HEATR4: variants seen among roughly 807,000 people sequenced by gnomAD.
HEATR4 encodes the protein HEAT repeat containing 4, also known as HEAT repeat-containing protein 4.
HEATR4 carries 95 observed loss-of-function variants against 108.8 expected under a neutral mutation model. The observed-to-expected ratio is 0.87, with a 90% CI of 0.74 to 1.04. The LOEUF (loss-of-function observed/expected upper bound fraction) is 1.04. Ranked by LOEUF, HEATR4 falls within the 50% of genes least tolerant of loss-of-function variation. HEATR4 has a pLI of 0.00. For synonymous variants in HEATR4, 443 were observed against 459.4 expected, an observed-to-expected ratio of 0.96 and a Z score of 0.46; for missense variants, 1,152 against 1,253.8, an observed-to-expected ratio of 0.92 and a Z score of 1.23.
At chr14:73,601,294 T>C in the HEATR4 span, among the ~76,000 whole-genome samples, 1 of 152,180 alleles carries the variant, frequency 6.6e-6, no homozygotes, top group Admixed American at 6.5e-5. Context: ...GTCAGTGTGG[T>C]GGCTCATGCC....
In HEATR4 at chr14:73,554,423, G is replaced by A. The variant is rs1300404324; in HGVS notation, c.-152+4328C>T. On this transcript the variant is annotated intron_variant, in intron 1 of 17. Transcript: ENST00000553558. Reference sequence around the variant, plus strand: ...GTATGCCATATTATACCCAAAGTTCGTTTAAAAAATATTTCCATCAACTAT... The same window carrying A: ...GTATGCCATATTATACCCAAAGTTCATTTAAAAAATATTTCCATCAACTAT... Among the ~76,000 whole-genome samples the A allele has an allele frequency of 1.7e-5, 2 of 115,520 alleles. 1 individual carries two copies. The highest frequency in any genetic ancestry group is 5.6e-5 in the African/African-American group (2 of 35,808). 75.8% of individuals were successfully genotyped at this position (115,520 alleles called of 152,430 possible).
chr14:73,479,468 C>A (rs1388069281), intron 17 of HEATR4, among the ~76,000 whole-genome samples: 2 of 116,412 alleles, frequency 1.7e-5, no homozygotes, highest in African/African-American at 7.0e-5. Context: ...GACGGAGTTT[C>A]GCTCTTGTTG....
intron 5 of HEATR4, among the ~76,000 whole-genome samples, chr14:73,514,752 C>T (rs1340716077): frequency 2.0e-5 from 3 of 152,136 alleles, no homozygotes; most frequent in Non-Finnish European, 2.9e-5. Context: ...CAGAAGAAGC[C>T]GTAAATATTA....
intron 14 of HEATR4, 131 bp from the exon 15 acceptor site, chr14:73,496,810 C>CTTA (rs1295831876): frequency 1.6e-6 from 1 of 617,402 alleles, no homozygotes; most frequent in Non-Finnish European, 2.9e-6. Flanking sequence ...TTTGCTGAGC[C>CTTA]TTATATGCAA....
chr14:73,531,945 T>C lies in HEATR4; in HGVS notation c.-151-1701A>G, dbSNP rs1349240862. Among the ~76,000 whole-genome samples, 2 of 114,068 alleles carry C rather than the reference T, an allele frequency of 1.8e-5. 1 individual carries two copies. The highest frequency in any genetic ancestry group is 3.8e-5 in the Non-Finnish European group (2 of 52,460). The allele number at this position is 114,068 out of a possible 152,430, so 74.8% of individuals were successfully genotyped here. On this transcript the variant is annotated intron_variant, in intron 1 of 17. Transcript: ENST00000553558. ...TACTTGGGAGGCTGAGGCAGGAGAA[T>C]CGCCTGGACCCAGGAAGCAGAGGTT...
intron 17 of HEATR4, among the ~76,000 whole-genome samples, chr14:73,480,429 G>A (rs921152706): frequency 6.6e-6 from 1 of 152,044 alleles, no homozygotes; most frequent in Admixed American, 6.6e-5. Flanking sequence ...GACAGAGAGA[G>A]ACTTTGTCTC....
In HEATR4 at chr14:73,523,045, G is replaced by A. The variant is rs756817359; in HGVS notation, c.108C>T (p.Gly36=). 2 of 1,614,110 alleles carry A rather than the reference G, an allele frequency of 1.2e-6. No individual in the cohort carries two copies. The highest frequency in any genetic ancestry group is 2.7e-5 in the African/African-American group (2 of 75,046). ...GMILNYSKLK[G]KEECASVSSV... ...TGGAGACAGAGGCACACTCCTCCTT[G>A]CCTTTCAATTTTGAGTAGTTTAAAA... is the stretch of plus-strand genomic sequence containing the variant. Residue 36 remains glycine, a synonymous_variant, in exon 3 of 18, where the codon GGC becomes GGT. Coordinates refer to ENST00000553558, the MANE Select transcript of HEATR4 (RefSeq NM_001220484.1).
chr14:73,603,771 G>C, the HEATR4 span, among the ~76,000 whole-genome samples: 1 of 148,742 alleles, frequency 6.7e-6, no homozygotes, highest in African/African-American at 2.5e-5. Flanking sequence ...GTCTTGCTCT[G>C]TTGCCAGGTT....
chr14:73,582,962 T>A, the HEATR4 span: 3 of 152,136 alleles, frequency 2.0e-5, no homozygotes, highest in South Asian at 4.2e-4. Flanking sequence ...TTAAACCAGA[T>A]GACAAAAACC....
At chr14:73,588,758 T>C in the HEATR4 span, among the ~76,000 whole-genome samples, 1 of 152,126 alleles carries the variant, frequency 6.6e-6, no homozygotes, top group African/African-American at 2.4e-5. Flanking sequence ...GACCCACTCT[T>C]GATTTTCCAT....
intron 1 of HEATR4, chr14:73,539,650 C>T (rs1418316317): frequency 8.5e-6 from 1 of 117,194 alleles, no homozygotes; most frequent in Admixed American, 9.5e-5. Context: ...GCTTCCAGAC[C>T]AGGAAGCTGC....
intron 16 of HEATR4, 197 bp from the exon 17 acceptor site, chr14:73,493,321 G>T: frequency 1.8e-6 from 1 of 561,122 alleles, no homozygotes; most frequent in Non-Finnish European, 3.2e-6. Context: ...TGGGCGGGTC[G>T]GGGTCAGTAT....
Position 73,541,343 on chromosome 14 carries a change from C to T in HEATR4, c.-151-11099G>A, listed in dbSNP as rs573209423. On this transcript the variant is annotated intron_variant, in intron 1 of 17. Transcript: ENST00000553558. ...TAAACACTTGCCAGAAGTTTCTGGACGAACACAGGTTTTCATTTCTCGTGG... is the reference window on the plus strand; with the variant it reads ...TAAACACTTGCCAGAAGTTTCTGGATGAACACAGGTTTTCATTTCTCGTGG... 3.0e-5 allele frequency: 21 copies of T among 704,718 alleles called. 6 individuals carry two copies. Among genetic ancestry groups the T allele is most frequent in the Middle Eastern group, 8.5e-4 (2 of 2,358 alleles). The allele number at this position is 704,718 out of a possible 1,614,324, so 43.7% of individuals were successfully genotyped here.
In HEATR4 at chr14:73,546,717, A is replaced by T. The variant is rs1294122205; in HGVS notation, c.-152+12034T>A. On this transcript the variant is annotated intron_variant, in intron 1 of 17. Coordinates refer to ENST00000553558, the MANE Select transcript of HEATR4 (RefSeq NM_001220484.1). ...ACATTTTTCTTTTCACTTTCAACCC[A>T]TGCACACTGTGAACACTGTGAAATA... 1.8e-5 allele frequency among the ~76,000 whole-genome samples: 2 copies of T among 113,192 alleles called. 1 individual carries two copies. The highest frequency in any genetic ancestry group is 3.9e-5 in the Non-Finnish European group (2 of 51,736). 74.3% of individuals were successfully genotyped at this position (113,192 alleles called of 152,430 possible). A position where few individuals can be genotyped will look rare whatever the true frequency, so the allele number is the denominator to read the frequency against.
intron 1 of HEATR4, among the ~76,000 whole-genome samples, chr14:73,545,966 T>C (rs1383816801): frequency 1.8e-5 from 2 of 113,646 alleles, no homozygotes; most frequent in African/African-American, 5.7e-5. Flanking sequence ...CTGGGTAACA[T>C]AGTGGGACAC....
At chr14:73,488,008 T>C (rs1296932924) in intron 17 of HEATR4, among the ~76,000 whole-genome samples, 1 of 152,118 alleles carries the variant, frequency 6.6e-6, no homozygotes, top group Non-Finnish European at 1.5e-5. Context: ...CTGAGGAACT[T>C]GGATTTGTCA....
intron 17 of HEATR4, chr14:73,491,354 C>T: frequency 2.1e-6 from 3 of 1,432,146 alleles, no homozygotes; most frequent in Non-Finnish European, 2.7e-6. Context: ...GCCCGCCGCG[C>T]GCTCCCTGCA....
intron 2 of HEATR4, chr14:73,527,313 G>C (rs1456153190): frequency 1.3e-5 from 2 of 151,400 alleles, no homozygotes; most frequent in East Asian, 2.0e-4. Context: ...ACTAAATAAG[G>C]CACCAGTGAC....
chr14:73,491,884 G>A (rs1412239819), intron 17 of HEATR4: 2 of 1,611,528 alleles, frequency 1.2e-6, no homozygotes, highest in African/African-American at 2.7e-5. Flanking sequence ...CGTGGTCCCT[G>A]TACCAGGCCG....
Sources: allele counts gnomAD v4.1 joint callset (sites outside exome capture counted in the v4.1 genomes callset), GRCh38; gene constraint gnomAD v4.1.1; transcripts MANE v1.5; gene names NCBI Gene and HGNC (gene_info 2026-07-23, HGNC 2026-07-21).